CREB3L2: variants seen among roughly 807,000 people sequenced by gnomAD.
The protein encoded by CREB3L2 is cyclic AMP-responsive element-binding protein 3-like protein 2.
CREB3L2 carries 23 observed loss-of-function variants against 57.2 expected under a neutral mutation model. That is an observed-to-expected ratio of 0.40 (90% confidence interval 0.29 to 0.57). The LOEUF (loss-of-function observed/expected upper bound fraction) is 0.57. Ranked by LOEUF, CREB3L2 falls within the 20% of genes least tolerant of loss-of-function variation. The pLI is 0.42. For synonymous variants in CREB3L2, 268 were observed against 265.1 expected (o/e 1.01, Z -0.11); for missense variants, 628 against 634.7 (o/e 0.99, Z 0.11).
At chr7:137,997,123 G>A (rs78925807) in intron 1 of CREB3L2, among the ~76,000 whole-genome samples, 1,643 of 152,256 alleles carry the variant, frequency 0.011, 13 homozygotes, top group Non-Finnish European at 0.018. Flanking sequence ...GAGTGGTGTT[G>A]AGTTTCTATA....
chr7:137,998,562 G>C (rs535348024), intron 1 of CREB3L2, among the ~76,000 whole-genome samples: 2 of 152,348 alleles, frequency 1.3e-5, no homozygotes, highest in South Asian at 4.1e-4. Context: ...ACATGGGTTT[G>C]AATCCTGGTT....
intron 1 of CREB3L2, among the ~76,000 whole-genome samples, chr7:137,969,761 A>ACACACACACACACACAC (rs1801473503): frequency 1.9e-5 from 2 of 103,552 alleles, no homozygotes; most frequent in African/African-American, 5.7e-5. Flanking sequence ...AGGGTCATCA[A>ACACACACACACACACAC]ACACACACAC....
chr7:137,933,572 T>C (rs1209655302), intron 1 of CREB3L2, among the ~76,000 whole-genome samples: 1 of 152,242 alleles, frequency 6.6e-6, no homozygotes, highest in Non-Finnish European at 1.5e-5. Context: ...CATTCAGCAC[T>C]AACGATAGAC....
chr7:137,901,330 A>T, intron 8 of CREB3L2, 24 bp downstream of exon 8: 1 of 1,420,404 alleles, frequency 7.0e-7, no homozygotes, highest in Non-Finnish European at 9.9e-7. Flanking sequence ...TAGCGCAATC[A>T]GCTCTCAGTC....
chr7:137,935,853 A>AT, intron 1 of CREB3L2: 1 of 202,666 alleles, frequency 4.9e-6, no homozygotes, highest in Non-Finnish European at 8.8e-6. Flanking sequence ...AGAATTACTT[A>AT]TTTTATAAAA....
At chr7:137,944,961 C>T (rs1392996607) in intron 1 of CREB3L2, among the ~76,000 whole-genome samples, 1 of 152,086 alleles carries the variant, frequency 6.6e-6, no homozygotes, top group African/African-American at 2.4e-5. Context: ...GGCATGATCT[C>T]GACTCACTGC....
At chr7:137,948,128 T>C (rs192343362) in intron 1 of CREB3L2, among the ~76,000 whole-genome samples, 1 of 152,322 alleles carries the variant, frequency 6.6e-6, no homozygotes, top group East Asian at 1.9e-4. Context: ...TGATTCCCTG[T>C]CTCCAGGCCT....
intron 2 of CREB3L2, among the ~76,000 whole-genome samples, chr7:137,918,876 C>T (rs1301152253): frequency 6.6e-6 from 1 of 152,064 alleles, no homozygotes; most frequent in Non-Finnish European, 1.5e-5. Context: ...TTCTTAATGC[C>T]CAGTGTCCTA....
intron 7 of CREB3L2, among the ~76,000 whole-genome samples, chr7:137,903,666 A>C (rs1799817126): frequency 6.6e-6 from 1 of 152,236 alleles, no homozygotes; most frequent in Non-Finnish European, 1.5e-5. Flanking sequence ...AGGAATGTGC[A>C]GGAATGTTAA....
chr7:137,971,632 C>A (rs1801509385), intron 1 of CREB3L2, among the ~76,000 whole-genome samples: 1 of 151,826 alleles, frequency 6.6e-6, no homozygotes, highest in Non-Finnish European at 1.5e-5. Flanking sequence ...TTGTAAATAA[C>A]CTTATCATAA....
chr7:137,888,743 TC>T (rs1471308863), intron 8 of CREB3L2, among the ~76,000 whole-genome samples: 5 of 152,146 alleles, frequency 3.3e-5, no homozygotes, highest in African/African-American at 1.2e-4. Context: ...GGTCTCCTGT[TC>T]CCCTGGCCTG....
chr7:137,896,647 AAGATCACAGATGAAT>A (rs1799633545), intron 8 of CREB3L2, among the ~76,000 whole-genome samples: 1 of 152,148 alleles, frequency 6.6e-6, no homozygotes, highest in African/African-American at 2.4e-5. Flanking sequence ...TATCTGTGGG[AAGATCACAGATGAAT>A]CCATTGCCAG....
At chr7:137,904,768 G>A (rs866340176) in intron 6 of CREB3L2, among the ~76,000 whole-genome samples, 59 of 151,916 alleles carry the variant, frequency 3.9e-4, no homozygotes, top group African/African-American at 1.4e-3. Context: ...GAACCTGGGA[G>A]GCAGAGGTTG....
At position 137,880,589 on chromosome 7, in the gene CREB3L2, C is replaced by A; in HGVS notation, c.1488-38G>T. 6.7e-7 allele frequency: 1 copy of A among 1,503,382 alleles called. No individual in the cohort carries two copies. The highest frequency in any genetic ancestry group is 9.3e-7 in the Non-Finnish European group (1 of 1,080,284). The allele number at this position is 1,503,382 out of a possible 1,614,324, so 93.1% of individuals were successfully genotyped here. A position where few individuals can be genotyped will look rare whatever the true frequency, so the allele number is the denominator to read the frequency against. On this transcript the variant is annotated intron_variant, in intron 11 of 11. Coordinates refer to ENST00000330387, the MANE Select transcript of CREB3L2 (RefSeq NM_194071.4). The surrounding 1 kb of genome is among the most constrained non-coding windows in gnomAD (Gnocchi z 4.0). ...TAAAAGGAAAACGAAGTATTAGTCA[C>A]CAGCTGTTAGCTACAATTCTCATGC...
At position 137,908,294 on chromosome 7, in the gene CREB3L2, G is replaced by A. The variant is rs1799933186; in HGVS notation, c.726C>T (p.Ala242=). Residue 242 remains alanine (A), a synonymous_variant, in exon 5 of 12, where the codon GCC becomes GCT. Coordinates refer to ENST00000330387, the MANE Select transcript of CREB3L2 (RefSeq NM_194071.4). ...THSPSRAAPR[A]PSALSSSPLL... ...GAGGGGAGCTGGAGAGGGCGGAGGGGGCCCGGGGTGCAGCTCTGGAGGGGC... is the reference window on the plus strand; with the variant it reads ...GAGGGGAGCTGGAGAGGGCGGAGGGAGCCCGGGGTGCAGCTCTGGAGGGGC... 12 of 1,258,518 alleles carry A rather than the reference G, an allele frequency of 9.5e-6. No homozygotes were observed. Among genetic ancestry groups the A allele is most frequent in the Admixed American group, 4.2e-5 (1 of 23,850 alleles). The allele number at this position is 1,258,518 out of a possible 1,614,324, so 78.0% of individuals were successfully genotyped here. A position where few individuals can be genotyped will look rare whatever the true frequency, so the allele number is the denominator to read the frequency against.
rs138695092 is a variant in CREB3L2 at position 137,928,282 on chromosome 7, A to G, written c.187T>C (p.Ser63Pro). 2.0e-5 allele frequency: 32 copies of G among 1,614,000 alleles called. No homozygotes were observed. The highest frequency in any genetic ancestry group is 2.5e-5 in the Non-Finnish European group (29 of 1,180,016). ...NDPFLSEKSV[S>P]MEVEPSPTSP... ...GTCGGGGAAGGTTCCACCTCCATTG[A>G]CACACTCTTCTCTGAGAGGAAAGGA... The change falls in exon 2 of 12, where the codon TCA becomes CCA. Residue 63 changes from serine to proline, a missense_variant. Physicochemically the swap from Ser to Pro is moderately conservative, Grantham distance 74. Transcript: ENST00000330387.
At position 137,920,771 on chromosome 7, in the gene CREB3L2, C is replaced by A. The variant is rs765064200; in HGVS notation, c.320-4759G>T. Among the ~76,000 whole-genome samples, 23 of 152,112 alleles carry A rather than the reference C, an allele frequency of 1.5e-4. 1 individual carries two copies. The highest frequency in any genetic ancestry group is 1.4e-3 in the Admixed American group (22 of 15,264). ...AATGACTTCATATGAAGAAAGTCAG[C>A]CAGTAAGTAGTTTGGTGAGAACAGC... On this transcript the variant is annotated intron_variant, in intron 2 of 11. Coordinates refer to ENST00000330387, the MANE Select transcript of CREB3L2 (RefSeq NM_194071.4).
At chr7:137,927,278 G>GAGGAAGGAAGGAAGGAAGGAAGGAAGGA (rs1554498591) in intron 2 of CREB3L2, among the ~76,000 whole-genome samples, 2 of 136,530 alleles carry the variant, frequency 1.5e-5, no homozygotes, top group African/African-American at 6.2e-5. Context: ...GAAAGGAAAG[G>GAGGAAGGAAGGAAGGAAGGAAGGAAGGA]AGGAAGGAAG....
In CREB3L2 at chr7:137,879,120, T is replaced by C; in HGVS notation, c.*1356A>G. The C allele has an allele frequency of 8.0e-6, 4 of 501,204 alleles. No homozygotes were observed. The highest frequency in any genetic ancestry group is 6.9e-5 in the South Asian group (4 of 58,298). The allele number at this position is 501,204 out of a possible 1,614,324, so 31.0% of individuals were successfully genotyped here. On this transcript the variant is annotated 3_prime_UTR_variant, in exon 12 of 12. Coordinates refer to ENST00000330387, the MANE Select transcript of CREB3L2 (RefSeq NM_194071.4). ...AAAGGCAATTTCCACTTCTTATTTA[T>C]ATGAAAGAGGAAAGATTTTTTTAAA...
Sources: allele counts gnomAD v4.1 joint callset (sites outside exome capture counted in the v4.1 genomes callset), GRCh38; gene constraint gnomAD v4.1.1; non-coding constraint Gnocchi (gnomAD v3.1); transcripts MANE v1.5; gene names NCBI Gene and HGNC (gene_info 2026-07-23, HGNC 2026-07-21).